ZNF805: variants seen among roughly 807,000 people sequenced by gnomAD.
ZNF805 encodes the protein zinc finger protein 805, also known as CTC-444N24.8.
Under a neutral mutation model 13.6 loss-of-function variants are expected in ZNF805, and 7 were observed. That is an observed-to-expected ratio of 0.51 (90% CI 0.29 to 0.97). The LOEUF (loss-of-function observed/expected upper bound fraction) is 0.97, where lower values mean the gene tolerates loss of function less well. Ranked by LOEUF, ZNF805 falls within the 50% of genes least tolerant of loss-of-function variation. The pLI is 0.08. For missense variants in ZNF805, 604 were observed against 771.0 expected, an observed-to-expected ratio of 0.78 and a Z score of 2.57; for synonymous variants, 293 against 279.8, an observed-to-expected ratio of 1.05 and a Z score of -0.47.
chr19:57,240,995 A>G (rs2087576231), intron 1 of ZNF805, 74 bp downstream of exon 1: 8 of 1,471,468 alleles, frequency 5.4e-6, no homozygotes, highest in Non-Finnish European at 7.4e-6. Context: ...CCGGAAGCCA[A>G]GACAGCCACA....
At chr19:57,251,545 A>G (rs67889549) in intron 3 of ZNF805, among the ~76,000 whole-genome samples, 38,995 of 151,792 alleles carry the variant, frequency 0.26, 6,180 homozygotes, top group Non-Finnish European at 0.35. Flanking sequence ...TGCTGCCGGT[A>G]TATTCTTCTA....
chr19:57,244,128 A>G (rs2087596518), intron 2 of ZNF805, 79 bp downstream of exon 2: 1 of 1,533,706 alleles, frequency 6.5e-7, no homozygotes, highest in Admixed American at 2.1e-5. Flanking sequence ...CTGATGGGTC[A>G]AGAAGTCCTC....
Position 57,243,992 on chromosome 19 carries a change from C to T in ZNF805, c.100C>T (p.Gln34Ter). ...GGAGTGGGGCCAGCTGGACCTAGCT[C>T]AGCGGACCCTGTACCAGGAGGTGAT... is the stretch of plus-strand genomic sequence containing the variant. The part of the protein sequence containing the change: ...QEEWGQLDLA[Q>*]RTLYQEVMLE... Residue 34 changes from glutamine (Q) to a stop codon, truncating the protein, a stop_gained, in exon 2 of 4, where the codon CAG becomes TAG. Transcript: ENST00000414468. LOFTEE classifies it high-confidence loss of function. 1 of 1,614,130 alleles carries T rather than the reference C, an allele frequency of 6.2e-7. No individual in the cohort carries two copies. Among genetic ancestry groups the T allele is most frequent in the Non-Finnish European group, 8.5e-7 (1 of 1,180,034 alleles).
In ZNF805 at chr19:57,255,822, A is replaced by C. The variant is rs1855686866; in HGVS notation, c.*1119A>C. Among the ~76,000 whole-genome samples the C allele has an allele frequency of 6.6e-6, 1 of 151,782 alleles. No individual in the cohort carries two copies. The highest frequency in any genetic ancestry group is 1.5e-5 in the Non-Finnish European group (1 of 67,898). On this transcript the variant is annotated 3_prime_UTR_variant, in exon 4 of 4. Coordinates refer to ENST00000414468, the MANE Select transcript of ZNF805 (RefSeq NM_001023563.4). ...CTTGCTTCCCATCTGTATACCTTTT[A>C]TTTGCTTTTCTCATGTTATTGTACT...
At chr19:57,252,978 C>A in intron 3 of ZNF805, 95 bp from the exon 4 acceptor site, 3 of 1,128,100 alleles carry the variant, frequency 2.7e-6, no homozygotes, top group Non-Finnish European at 3.5e-6. Flanking sequence ...ATAAAGGCAC[C>A]ATTTATAACT....
At chr19:57,245,896 CAA>C (rs760721469) in intron 2 of ZNF805, among the ~76,000 whole-genome samples, 1 of 152,086 alleles carries the variant, frequency 6.6e-6, no homozygotes, top group African/African-American at 2.4e-5. Context: ...ATCTCACAAA[CAA>C]AGAATTACCT....
chr19:57,241,333 C>T (rs970851897), intron 1 of ZNF805, among the ~76,000 whole-genome samples: 12 of 152,046 alleles, frequency 7.9e-5, no homozygotes, highest in African/African-American at 2.4e-4. Flanking sequence ...TTGTAACTGA[C>T]TGTTCTAATT....
In ZNF805 at chr19:57,257,448, C is replaced by G. The variant is rs1248516089; in HGVS notation, c.*2745C>G. On this transcript the variant is annotated 3_prime_UTR_variant, in exon 4 of 4. Coordinates refer to ENST00000414468, the MANE Select transcript of ZNF805 (RefSeq NM_001023563.4). Reference sequence around the variant, plus strand: ...TTAAAGCTCTGTTGTTTGGTATATACACATGTAGGTTTGCTTAGTATTCTT... The same window carrying G: ...TTAAAGCTCTGTTGTTTGGTATATAGACATGTAGGTTTGCTTAGTATTCTT... 1.3e-5 allele frequency among the ~76,000 whole-genome samples: 2 copies of G among 152,120 alleles called. No individual in the cohort carries two copies. Among genetic ancestry groups the G allele is most frequent in the Non-Finnish European group, 1.5e-5 (1 of 68,026 alleles).
intron 3 of ZNF805, among the ~76,000 whole-genome samples, chr19:57,252,121 G>A (rs10413671): frequency 0.44 from 66,448 of 151,986 alleles, 15,745 homozygotes; most frequent in Non-Finnish European, 0.53. Context: ...CTCATGCACT[G>A]TAGCTCATTT....
In ZNF805 at chr19:57,261,512, C is replaced by T. The variant is rs1400359146; in HGVS notation, c.*6809C>T. 6.0e-6 allele frequency: 1 copy of T among 166,896 alleles called. No homozygotes were observed. The highest frequency in any genetic ancestry group is 2.4e-5 in the African/African-American group (1 of 41,396). The allele number at this position is 166,896 out of a possible 1,614,324, so 10.3% of individuals were successfully genotyped here. A position where few individuals can be genotyped will look rare whatever the true frequency, so the allele number is the denominator to read the frequency against. The stretch of plus-strand genomic sequence containing the variant: ...GCCACTGCCCCATTCCTTTTTGTTC[C>T]GTAGTAGACCCTCAATATATATGTG... On this transcript the variant is annotated 3_prime_UTR_variant, in exon 4 of 4. Coordinates refer to ENST00000414468, the MANE Select transcript of ZNF805 (RefSeq NM_001023563.4).
Position 57,248,589 on chromosome 19 carries a change from C to G in ZNF805, c.158-16C>G, listed in dbSNP as rs759764140. The G allele has an allele frequency of 2.6e-5, 40 of 1,563,708 alleles. No homozygotes were observed. Among genetic ancestry groups the G allele is most frequent in the South Asian group, 1.3e-4 (11 of 85,534 alleles). ...TCACCCACATCCATGTGTCCACTTG[C>G]TTTCTCCATAAACAGGGTGTCCTGT... On this transcript the variant is annotated splice_polypyrimidine_tract_variant and intron_variant, in intron 2 of 3. Transcript: ENST00000414468.
At chr19:57,243,806 AAGTT>A in intron 1 of ZNF805, 113 bp from the exon 2 acceptor site, 1 of 1,428,556 alleles carries the variant, frequency 7.0e-7, no homozygotes, top group Non-Finnish European at 9.7e-7. Context: ...GCCTGGTACA[AAGTT>A]AGGCCCTCAG....
chr19:57,253,182 G>C lies in ZNF805; in HGVS notation c.363G>C (p.Gln121His). 1 of 1,560,672 alleles carries C rather than the reference G, an allele frequency of 6.4e-7. No homozygotes were observed. Among genetic ancestry groups the C allele is most frequent in the Non-Finnish European group, 8.7e-7 (1 of 1,152,808 alleles). ...QLTQGASGDS[Q>H]LGQPKDQDGF... ...CACAAGGAGCTTCAGGGGACTCCCAGTTGGGGCAACCCAAGGATCAGGATG... is the reference window on the plus strand; with the variant it reads ...CACAAGGAGCTTCAGGGGACTCCCACTTGGGGCAACCCAAGGATCAGGATG... Residue 121 changes from glutamine (Q) to histidine (H), a missense_variant, in exon 4 of 4, where the codon CAG (glutamine) becomes CAC (histidine). Transcript: ENST00000414468. This position sits in a 1 kb window ranked among gnomAD's most constrained non-coding sequence, Gnocchi z 4.4.
intron 2 of ZNF805, among the ~76,000 whole-genome samples, chr19:57,245,765 C>A (rs193294495): frequency 8.0e-5 from 12 of 149,916 alleles, no homozygotes; most frequent in Non-Finnish European, 1.6e-4. Context: ...GGCGACAGAG[C>A]GAGACTCCAT....
At chr19:57,250,308 C>T (rs559410932) in intron 3 of ZNF805, among the ~76,000 whole-genome samples, 2 of 152,320 alleles carry the variant, frequency 1.3e-5, no homozygotes, top group Non-Finnish European at 2.9e-5. Context: ...TCTCGGCTCA[C>T]CGCAACCTCC....
Position 57,253,248 on chromosome 19 carries a change from A to T in ZNF805, c.429A>T (p.Leu143Phe). The T allele has an allele frequency of 1.9e-6, 3 of 1,557,150 alleles. No individual in the cohort carries two copies. The highest frequency in any genetic ancestry group is 3.3e-4 in the Middle Eastern group (2 of 5,982). The change falls in exon 4 of 4, where the codon TTA (leucine) becomes TTT (phenylalanine). Residue 143 changes from leucine (L) to phenylalanine (F), a missense_variant. Coordinates refer to ENST00000414468, the MANE Select transcript of ZNF805 (RefSeq NM_001023563.4). The surrounding 1 kb of genome is among the most constrained non-coding windows in gnomAD (Gnocchi z 4.4). Reference protein sequence around the residue: ...EMQGERLRPGLDSQKEKLPGK... With the variant: ...EMQGERLRPGFDSQKEKLPGK... ...AGGGAGAACGCTTGAGACCAGGGTT[A>T]GATTCCCAAAAGGAGAAGCTTCCTG...
chr19:57,254,262 G>A lies in ZNF805; in HGVS notation c.1443G>A (p.Lys481=), dbSNP rs746010390. Residue 481 remains lysine (K), a synonymous_variant, in exon 4 of 4, where the codon AAG becomes AAA. Coordinates refer to ENST00000414468, the MANE Select transcript of ZNF805 (RefSeq NM_001023563.4). ...IRHFSIHTGE[K]PYECMECGKA... is the part of the protein sequence containing the mutation. ...ACTTCAGCATCCACACTGGAGAGAA[G>A]CCCTATGAGTGCATGGAGTGTGGAA... The A allele has an allele frequency of 1.9e-6, 3 of 1,614,138 alleles. No individual in the cohort carries two copies. The highest frequency in any genetic ancestry group is 1.1e-5 in the South Asian group (1 of 91,080).
At chr19:57,245,756 G>A (rs966066347) in intron 2 of ZNF805, among the ~76,000 whole-genome samples, 8 of 151,672 alleles carry the variant, frequency 5.3e-5, no homozygotes, top group African/African-American at 1.7e-4. Flanking sequence ...TCCAGCCTGG[G>A]CGACAGAGCG....
chr19:57,258,438 T>TTTG lies in ZNF805; in HGVS notation c.*3737_*3738insGTT, dbSNP rs55635858. On this transcript the variant is annotated 3_prime_UTR_variant, in exon 4 of 4. Transcript: ENST00000414468. ...TTGCTTCTTTCTTGGTTTGTTTGGG[T>TTTG]TTTTTTTTTTTTGTCTTTAACATTT... 7.0e-5 allele frequency among the ~76,000 whole-genome samples: 1 copy of TTTG among 14,264 alleles called. No homozygotes were observed. The highest frequency in any genetic ancestry group is 1.7e-4 in the Non-Finnish European group (1 of 5,998). 9.4% of individuals were successfully genotyped at this position (14,264 alleles called of 152,430 possible).
Sources: gnomAD v4.1 joint callset for allele counts (sites outside exome capture counted in the v4.1 genomes callset) on GRCh38, gnomAD v4.1.1 for gene constraint, Gnocchi (gnomAD v3.1) non-coding constraint, MANE v1.5 for transcripts, NCBI Gene and HGNC (gene_info 2026-07-23, HGNC 2026-07-21) for gene names.